SCFD2: variants seen among roughly 807,000 people sequenced by gnomAD.
SCFD2 encodes the protein sec1 family domain containing 2.
In SCFD2, 54 loss-of-function variants were observed where a neutral mutation model predicts 58.9. The ratio of observed to expected loss-of-function variants is 0.92; its 90% CI spans 0.74 to 1.15. The LOEUF (loss-of-function observed/expected upper bound fraction) is 1.15, where lower values mean the gene tolerates loss of function less well. Ranked by LOEUF, SCFD2 falls within the 50% of genes most tolerant of loss-of-function variation. SCFD2 has a pLI of 0.00. For missense variants in SCFD2, 805 were observed against 836.6 expected (o/e 0.96, Z 0.47); for synonymous variants, 321 against 335.9 (o/e 0.96, Z 0.49).
intron 6 of SCFD2, among the ~76,000 whole-genome samples, chr4:52,919,114 G>C (rs926398860): frequency 1.3e-5 from 2 of 152,202 alleles, no homozygotes; most frequent in Non-Finnish European, 2.9e-5. Flanking sequence ...TGGCAGCAGG[G>C]AGATAAGGTC....
At chr4:53,156,460 G>T (rs944122316) in intron 4 of SCFD2, among the ~76,000 whole-genome samples, 1 of 151,310 alleles carries the variant, frequency 6.6e-6, no homozygotes, top group Admixed American at 6.6e-5. Flanking sequence ...CACTTTGGGA[G>T]GCCAAGGCGG....
chr4:53,313,853 T>G, intron 2 of SCFD2, 90 bp from the exon 3 acceptor site: 9 of 1,290,942 alleles, frequency 7.0e-6, no homozygotes, highest in Non-Finnish European at 9.9e-6. Flanking sequence ...AAATATATTT[T>G]TGAGCATTAA....
intron 2 of SCFD2, among the ~76,000 whole-genome samples, chr4:53,341,059 C>A: frequency 6.6e-6 from 1 of 152,296 alleles, no homozygotes; most frequent in South Asian, 2.1e-4. Context: ...CACCTCTTCA[C>A]CTCCAAAGGA....
chr4:53,256,867 G>A (rs1481854564), intron 4 of SCFD2, among the ~76,000 whole-genome samples: 5 of 142,660 alleles, frequency 3.5e-5, no homozygotes, highest in Non-Finnish European at 1.5e-5. Context: ...AAGAGAGGGA[G>A]AGGGAGACCG....
At chr4:53,179,710 T>C (rs1727475924) in intron 4 of SCFD2, among the ~76,000 whole-genome samples, 2 of 152,068 alleles carry the variant, frequency 1.3e-5, no homozygotes, top group Admixed American at 6.5e-5. Context: ...ACTGGCAAAT[T>C]GGATCAAGAG....
intron 5 of SCFD2, among the ~76,000 whole-genome samples, chr4:53,103,767 G>GAAA (rs1724898455): frequency 1.4e-4 from 1 of 7,232 alleles, no homozygotes; most frequent in Non-Finnish European, 4.8e-4. Context: ...AAGTAAGGAA[G>GAAA]TAAAAAAAAA....
intron 4 of SCFD2, among the ~76,000 whole-genome samples, chr4:53,267,263 A>G (rs1370235031): frequency 6.6e-6 from 1 of 152,188 alleles, no homozygotes; most frequent in Non-Finnish European, 1.5e-5. Flanking sequence ...GCCCTTGGGG[A>G]AAAACGAAAG....
At chr4:53,045,923 A>T (rs1217338917) in intron 5 of SCFD2, among the ~76,000 whole-genome samples, 1 of 145,644 alleles carries the variant, frequency 6.9e-6, no homozygotes, top group Non-Finnish European at 1.5e-5. Flanking sequence ...TATTTGTGAA[A>T]TGAAAAAAAA....
rs557080682 is a variant in SCFD2 at position 53,249,330 on chromosome 4, T to C, written c.1311+24496A>G. On this transcript the variant is annotated intron_variant, in intron 4 of 8. Coordinates refer to ENST00000401642, the MANE Select transcript of SCFD2 (RefSeq NM_152540.4). ...GTGAAAAGACCAAATCTACATCTGATTGGTGTACCTGAAAGTGACAGGGAG... is the reference window on the plus strand; with the variant it reads ...GTGAAAAGACCAAATCTACATCTGACTGGTGTACCTGAAAGTGACAGGGAG... Among the ~76,000 whole-genome samples the C allele has an allele frequency of 1.3e-4, 20 of 152,278 alleles. 1 individual carries two copies. The South Asian group carries it at 2.3e-3, about 17-fold the overall frequency.
rs28592856 is a variant in SCFD2 at position 53,022,621 on chromosome 4, C to A, written c.1562-101751G>T. Among the ~76,000 whole-genome samples the A allele has an allele frequency of 8.9e-3, 1,350 of 152,112 alleles. 15 individuals carry two copies. The highest frequency in any genetic ancestry group is 0.031 in the African/African-American group (1,288 of 41,494). ...GAACTGGTTTTGGATCCCTGCTCTG[C>A]GTGGCCTTGGCAAGTTTTAAACTTT... On this transcript the variant is annotated intron_variant, in intron 5 of 8. Coordinates refer to ENST00000401642, the MANE Select transcript of SCFD2 (RefSeq NM_152540.4).
chr4:53,049,409 G>A (rs151290529), intron 5 of SCFD2, among the ~76,000 whole-genome samples: 1 of 152,212 alleles, frequency 6.6e-6, no homozygotes, highest in Non-Finnish European at 1.5e-5. Flanking sequence ...CATACCATGT[G>A]CTATTCACTG....
chr4:53,203,975 A>G (rs1417885540), intron 4 of SCFD2, among the ~76,000 whole-genome samples: 6 of 152,172 alleles, frequency 3.9e-5, no homozygotes, highest in Non-Finnish European at 5.9e-5. Context: ...GATTGCTGAC[A>G]CTACGTACCC....
chr4:53,022,241 T>A (rs1250168899), intron 5 of SCFD2, among the ~76,000 whole-genome samples: 1 of 152,184 alleles, frequency 6.6e-6, no homozygotes, highest in Admixed American at 6.5e-5. Flanking sequence ...TATTTTCTCT[T>A]ACTGGGGGAC....
At chr4:52,998,765 T>C (rs1721800061) in intron 5 of SCFD2, among the ~76,000 whole-genome samples, 1 of 152,154 alleles carries the variant, frequency 6.6e-6, no homozygotes, top group Admixed American at 6.5e-5. Flanking sequence ...AGAGTGATGC[T>C]TCAAAATACT....
chr4:53,343,355 G>A (rs1465676515), intron 2 of SCFD2, among the ~76,000 whole-genome samples: 2 of 152,162 alleles, frequency 1.3e-5, no homozygotes, highest in African/African-American at 2.4e-5. Flanking sequence ...AAACCTAGAA[G>A]AAATGGATAA....
chr4:53,105,651 G>A lies in SCFD2; in HGVS notation c.1561+39682C>T, dbSNP rs1327476691. Among the ~76,000 whole-genome samples the A allele has an allele frequency of 2.0e-5, 3 of 152,228 alleles. No homozygotes were observed. In the East Asian group the frequency reaches 5.8e-4, roughly 29 times the overall value. On this transcript the variant is annotated intron_variant, in intron 5 of 8. Coordinates refer to ENST00000401642, the MANE Select transcript of SCFD2 (RefSeq NM_152540.4). ...TGCCTCTCTAGATTCCTCCTCTTTG[G>A]GCAGGGCATGTCTGAAAGTAAGGCA...
At chr4:52,913,726 C>A (rs1018903218) in intron 6 of SCFD2, among the ~76,000 whole-genome samples, 1 of 152,222 alleles carries the variant, frequency 6.6e-6, no homozygotes, top group Non-Finnish European at 1.5e-5. Flanking sequence ...CACTGTGCTA[C>A]ACCATTCCCT....
intron 5 of SCFD2, among the ~76,000 whole-genome samples, chr4:53,111,060 A>G (rs1041707768): frequency 3.9e-5 from 6 of 152,198 alleles, no homozygotes; most frequent in Non-Finnish European, 8.8e-5. Flanking sequence ...GCTGGAAACC[A>G]TCATTCTCAG....
intron 4 of SCFD2, among the ~76,000 whole-genome samples, chr4:53,176,648 G>A (rs1160195881): frequency 6.6e-6 from 1 of 152,182 alleles, no homozygotes; most frequent in Admixed American, 6.6e-5. Flanking sequence ...AGTTGGGTGG[G>A]TCAGACAGAA....
Sources: gnomAD v4.1 joint callset for allele counts (sites outside exome capture counted in the v4.1 genomes callset) on GRCh38, gnomAD v4.1.1 for gene constraint, MANE v1.5 for transcripts, NCBI Gene and HGNC (gene_info 2026-07-23, HGNC 2026-07-21) for gene names.